SIGLEC14: variants seen among roughly 807,000 people sequenced by gnomAD.
The protein encoded by SIGLEC14 is sialic acid-binding Ig-like lectin 14.
In SIGLEC14, 11 loss-of-function variants were observed where a neutral mutation model predicts 34.2. The ratio of observed to expected loss-of-function variants is 0.32; its 90% CI spans 0.20 to 0.53. The LOEUF is 0.53. Ranked by LOEUF, SIGLEC14 falls within the 20% of genes least tolerant of loss-of-function variation. The pLI, the probability that SIGLEC14 is intolerant of heterozygous loss-of-function variation, is 0.95. For synonymous variants in SIGLEC14, 99 were observed against 179.7 expected (o/e 0.55, Z 3.59); for missense variants, 264 against 439.0 (o/e 0.60, Z 3.56).
chr19:51,643,512 C>T, intron 6 of SIGLEC14, 25 bp downstream of exon 6: 1 of 1,450,788 alleles, frequency 6.9e-7, no homozygotes, highest in Non-Finnish European at 9.1e-7. Context: ...TCAGGAGCTT[C>T]CTGGAGACAG....
chr19:51,642,422 A>G lies in SIGLEC14; in HGVS notation c.*933T>C, dbSNP rs1430747236. The G allele has an allele frequency of 7.3e-6, 1 of 137,802 alleles. No individual in the cohort carries two copies. Among genetic ancestry groups the G allele is most frequent in the Non-Finnish European group, 1.5e-5 (1 of 64,646 alleles). The allele number at this position is 137,802 out of a possible 1,614,324, so 8.5% of individuals were successfully genotyped here. ...TATGGACAGAAGGAGAATCACTTGA[A>G]CCTGGGAGGCAGAAGTTGCAGTGAG... On this transcript the variant is annotated 3_prime_UTR_variant, in exon 7 of 7. Transcript: ENST00000360844.
rs749851708 is a variant in SIGLEC14 at position 51,643,321 on chromosome 19, T to A, written c.*34A>T. 3.3e-6 allele frequency: 5 copies of A among 1,512,666 alleles called. 1 individual carries two copies. The highest frequency in any genetic ancestry group is 7.0e-5 in the East Asian group (2 of 28,382). The allele number at this position is 1,512,666 out of a possible 1,614,324, so 93.7% of individuals were successfully genotyped here. ...TGCATGTGTCCCACAGGGCTAAGTG[T>A]CCACACCTCAGTTCTGTCTTGAGCG... On this transcript the variant is annotated 3_prime_UTR_variant, in exon 7 of 7. Transcript: ENST00000360844.
In SIGLEC14 at chr19:51,639,583, A is replaced by T. The variant is rs1008750136; in HGVS notation, c.*3772T>A. On this transcript the variant is annotated 3_prime_UTR_variant, in exon 7 of 7. Coordinates refer to ENST00000360844, the MANE Select transcript of SIGLEC14 (RefSeq NM_001098612.3). ...GTCTGGAGAGAATTATTTGCTTCCCAGATAGTATCTTTTCGTGGTATCCTC... is the reference window on the plus strand; with the variant it reads ...GTCTGGAGAGAATTATTTGCTTCCCTGATAGTATCTTTTCGTGGTATCCTC... 4 of 139,574 alleles carry T rather than the reference A, an allele frequency of 2.9e-5. 1 individual carries two copies. Among genetic ancestry groups the T allele is most frequent in the Non-Finnish European group, 1.5e-5 (1 of 65,042 alleles). The allele number at this position is 139,574 out of a possible 1,614,324, so 8.6% of individuals were successfully genotyped here. A position where few individuals can be genotyped will look rare whatever the true frequency, so the allele number is the denominator to read the frequency against.
chr19:51,643,483 G>GGGGGGGGGGGGGGCCCCCCCCCCCCC, intron 6 of SIGLEC14, 54 bp downstream of exon 6: 1 of 1,297,880 alleles, frequency 7.7e-7, no homozygotes, highest in Non-Finnish European at 1.0e-6. Flanking sequence ...GGGCAGGACA[G>GGGGGGGGGGGGGGCCCCCCCCCCCCC]CTCAGCCCCA....
At position 51,643,909 on chromosome 19, in the gene SIGLEC14, A is replaced by G. The variant is rs1983969998; in HGVS notation, c.882T>C (p.Asn294=). 1.2e-5 allele frequency: 19 copies of G among 1,534,152 alleles called. 5 individuals carry two copies. The highest frequency in any genetic ancestry group is 1.7e-5 in the Non-Finnish European group (19 of 1,141,734). Reference sequence around the variant, plus strand: ...TCCCAGACATTGAGGTCTGGGAAGGATTGAGGGCTTTTCCCTCCCGGAACC... The same window carrying G: ...TCCCAGACATTGAGGTCTGGGAAGGGTTGAGGGCTTTTCCCTCCCGGAACC... ...LSWFREGKAL[N]PSQTSMSGTL... The change falls in exon 5 of 7, where the codon AAT becomes AAC. Residue 294 remains asparagine, a synonymous_variant. Coordinates refer to ENST00000360844, the MANE Select transcript of SIGLEC14 (RefSeq NM_001098612.3).
rs1203152458 is a variant in SIGLEC14, at chr19:51,643,248, G to A, written c.*107C>T. 3 of 1,089,084 alleles carry A rather than the reference G, an allele frequency of 2.8e-6. No homozygotes were observed. The highest frequency in any genetic ancestry group is 1.8e-5 in the African/African-American group (1 of 54,390). The allele number at this position is 1,089,084 out of a possible 1,614,324, so 67.5% of individuals were successfully genotyped here. A position where few individuals can be genotyped will look rare whatever the true frequency, so the allele number is the denominator to read the frequency against. ...GTATGGGGCAGGAAGGAAAAGAGGG[G>A]TAGTCAGTGGGATGTGAGCTTCCAG... On this transcript the variant is annotated 3_prime_UTR_variant, in exon 7 of 7. Coordinates refer to ENST00000360844, the MANE Select transcript of SIGLEC14 (RefSeq NM_001098612.3).
At chr19:51,645,565 T>G in intron 3 of SIGLEC14, 35 bp from the exon 4 acceptor site, 1 of 1,518,884 alleles carries the variant, frequency 6.6e-7, no homozygotes, top group African/African-American at 1.5e-5. Context: ...GCTTCAGAGG[T>G]GACAAGAGGG....
Position 51,645,438 on chromosome 19 carries a change from C to T in SIGLEC14, c.754+39G>A, listed in dbSNP as rs756760697. On this transcript the variant is annotated intron_variant, in intron 4 of 6. Coordinates refer to ENST00000360844, the MANE Select transcript of SIGLEC14 (RefSeq NM_001098612.3). ...TGCTGAACCCTGAGCTAATAGAAGG[C>T]TCCCATCACAGCCCCAGAGGGAAGA... 6.8e-5 allele frequency: 101 copies of T among 1,488,746 alleles called. 18 individuals carry two copies. Among genetic ancestry groups the T allele is most frequent in the Non-Finnish European group, 8.7e-5 (96 of 1,103,340 alleles). The allele number at this position is 1,488,746 out of a possible 1,614,324, so 92.2% of individuals were successfully genotyped here.
In SIGLEC14 at chr19:51,643,047, G is replaced by C; in HGVS notation, c.*308C>G. The C allele has an allele frequency of 6.0e-6, 1 of 166,746 alleles. No individual in the cohort carries two copies. The highest frequency in any genetic ancestry group is 1.1e-5 in the Non-Finnish European group (1 of 94,490). 10.3% of individuals were successfully genotyped at this position (166,746 alleles called of 1,614,324 possible). Reference sequence around the variant, plus strand: ...TCAAAAAAAAAAAAAAAAAAAAAAGGTAACTTTTGGGTAATGGGTAATGGG... The same window carrying C: ...TCAAAAAAAAAAAAAAAAAAAAAAGCTAACTTTTGGGTAATGGGTAATGGG... On this transcript the variant is annotated 3_prime_UTR_variant, in exon 7 of 7. Transcript: ENST00000360844.
intron 6 of SIGLEC14, 58 bp downstream of exon 6, chr19:51,643,479 G>GGGGGGGGGGGGGGAGC: frequency 7.7e-7 from 1 of 1,296,398 alleles, no homozygotes; most frequent in Non-Finnish European, 1.0e-6. Context: ...CCTGGGGCAG[G>GGGGGGGGGGGGGGAGC]ACAGCTCAGC....
At position 51,640,216 on chromosome 19, in the gene SIGLEC14, GC is replaced by G. The variant is rs1292598999; in HGVS notation, c.*3138del. 1.4e-5 allele frequency among the ~76,000 whole-genome samples: 2 copies of G among 139,318 alleles called. No individual in the cohort carries two copies. The highest frequency in any genetic ancestry group is 2.7e-5 in the African/African-American group (1 of 36,702). 91.4% of individuals were successfully genotyped at this position (139,318 alleles called of 152,430 possible). On this transcript the variant is annotated 3_prime_UTR_variant, in exon 7 of 7. Transcript: ENST00000360844. ...AACAAAAAATCCTTACAAGTTATAA[GC>G]TTTGAATGGGGAAAAAAAACTACTT... is the stretch of plus-strand genomic sequence containing the variant.
rs898989830 is a variant in SIGLEC14 at position 51,645,927 on chromosome 19, G to T, written c.555C>A (p.Leu185=). 14 of 1,480,188 alleles carry T rather than the reference G, an allele frequency of 9.5e-6. 1 individual carries two copies. Among genetic ancestry groups the T allele is most frequent in the Non-Finnish European group, 1.2e-5 (13 of 1,111,136 alleles). The allele number at this position is 1,480,188 out of a possible 1,614,324, so 91.7% of individuals were successfully genotyped here. The part of the protein sequence containing the change: ...PLTFSWTGNA[L]SPLDPETTRS... ...GGGTGGTCTCGGGGTCCAGGGGGCT[G>T]AGGGCATTCCCCGTCCAGGAGAATG... Residue 185 remains leucine, a synonymous_variant, in exon 3 of 7, where the codon CTC becomes CTA. Coordinates refer to ENST00000360844, the MANE Select transcript of SIGLEC14 (RefSeq NM_001098612.3).
intron 6 of SIGLEC14, 54 bp downstream of exon 6, chr19:51,643,483 G>GGGGGGGGGGGGGCCCCCCCCCCCC: frequency 1.2e-5 from 15 of 1,297,810 alleles, no homozygotes; most frequent in Non-Finnish European, 1.5e-5. Flanking sequence ...GGGCAGGACA[G>GGGGGGGGGGGGGCCCCCCCCCCCC]CTCAGCCCCA....
chr19:51,641,521 G>A lies in SIGLEC14; in HGVS notation c.*1834C>T, dbSNP rs1223745868. Among the ~76,000 whole-genome samples, 1 of 139,470 alleles carries A rather than the reference G, an allele frequency of 7.2e-6. No individual in the cohort carries two copies. The highest frequency in any genetic ancestry group is 1.5e-5 in the Non-Finnish European group (1 of 65,076). 91.5% of individuals were successfully genotyped at this position (139,470 alleles called of 152,430 possible). A position where few individuals can be genotyped will look rare whatever the true frequency, so the allele number is the denominator to read the frequency against. ...ATTCACTGCAGCACTATTCACAATA[G>A]CAATGACATGGAATCAACCTAACTG... On this transcript the variant is annotated 3_prime_UTR_variant, in exon 7 of 7. Coordinates refer to ENST00000360844, the MANE Select transcript of SIGLEC14 (RefSeq NM_001098612.3).
rs770888439 is a variant in SIGLEC14, at chr19:51,646,421, G to A, written c.257C>T (p.Thr86Ile). The A allele has an allele frequency of 6.5e-5, 65 of 999,456 alleles. 5 individuals are homozygous for A. The highest frequency in any genetic ancestry group is 8.9e-5 in the Non-Finnish European group (65 of 730,036). The allele number at this position is 999,456 out of a possible 1,614,324, so 61.9% of individuals were successfully genotyped here. The stretch of plus-strand genomic sequence containing the variant: ...CCCAAGGAGGCGGAATCGGCCCTGG[G>A]TCTCTGGCTTCACTCTTCTGTCTGG... Reference protein sequence around the residue: ...NNPDRRVKPETQGRFRLLGDV... With the variant: ...NNPDRRVKPEIQGRFRLLGDV... The change falls in exon 2 of 7, where the codon ACC becomes ATC. Residue 86 changes from threonine (T) to isoleucine (I), a missense_variant. By Grantham distance (89) the Thr-to-Ile change is moderately conservative (BLOSUM62 -1). This residue lies in a region of SIGLEC14 where 31 missense variants were observed against 67.4 expected (regional missense o/e 0.46). Coordinates refer to ENST00000360844, the MANE Select transcript of SIGLEC14 (RefSeq NM_001098612.3).
chr19:51,643,135 A>T lies in SIGLEC14; in HGVS notation c.*220T>A. 4.1e-6 allele frequency: 2 copies of T among 485,958 alleles called. No individual in the cohort carries two copies. Among genetic ancestry groups the T allele is most frequent in the Non-Finnish European group, 7.1e-6 (2 of 279,734 alleles). 30.1% of individuals were successfully genotyped at this position (485,958 alleles called of 1,614,324 possible). ...GAGATGGTGGATGGAGAGGGAAGAG[A>T]AGGGCAGGTGGAGAGGGGATGGGGT... On this transcript the variant is annotated 3_prime_UTR_variant, in exon 7 of 7. Transcript: ENST00000360844.
chr19:51,644,981 A>T (rs1209303667), intron 4 of SIGLEC14, among the ~76,000 whole-genome samples: 2 of 137,336 alleles, frequency 1.5e-5, no homozygotes, highest in Non-Finnish European at 3.1e-5. Flanking sequence ...CATGCATCAG[A>T]GGACATCGGA....
In SIGLEC14 at chr19:51,643,362, G is replaced by A; in HGVS notation, c.1184C>T (p.Pro395Leu). 3 of 1,525,614 alleles carry A rather than the reference G, an allele frequency of 2.0e-6. 1 individual carries two copies. The highest frequency in any genetic ancestry group is 2.6e-6 in the Non-Finnish European group (3 of 1,139,074). The allele number at this position is 1,525,614 out of a possible 1,614,324, so 94.5% of individuals were successfully genotyped here. ...GTCTTGAGCGGGAGGGGCTCAGCCAGGCCTCTCAGCCCTGCTCTGCTGGGG... is the reference window on the plus strand; with the variant it reads ...GTCTTGAGCGGGAGGGGCTCAGCCAAGCCTCTCAGCCCTGCTCTGCTGGGG... ...GGPQQSRAERPG is the reference protein window; with the variant it reads ...GGPQQSRAERLG Residue 395 changes from proline to leucine, a missense_variant, in exon 7 of 7, where the codon CCT becomes CTT. Physicochemically the swap from Pro to Leu is moderately conservative, Grantham distance 98. This residue lies in a region of SIGLEC14 where 149 missense variants were observed against 184.4 expected (regional missense o/e 0.81). Coordinates refer to ENST00000360844, the MANE Select transcript of SIGLEC14 (RefSeq NM_001098612.3).
At chr19:51,645,019 A>G (rs148111966) in intron 4 of SIGLEC14, among the ~76,000 whole-genome samples, 18 of 136,332 alleles carry the variant, frequency 1.3e-4, no homozygotes, top group African/African-American at 4.7e-4. Flanking sequence ...AAAAGGGAAC[A>G]GCGTGTCCTG....
Sources: allele counts gnomAD v4.1 joint callset (sites outside exome capture counted in the v4.1 genomes callset), GRCh38; gene constraint gnomAD v4.1.1; regional missense constraint gnomAD v4.1.1; transcripts MANE v1.5; gene names NCBI Gene and HGNC (gene_info 2026-07-23, HGNC 2026-07-21).